The following NOTCH2 variants were observed in gnomAD, a reference collection of about 807,000 sequenced individuals.
The protein encoded by NOTCH2 is notch receptor 2.
NOTCH2 carries 29 observed loss-of-function variants against 235.8 expected under a neutral mutation model. That is an observed-to-expected ratio of 0.12 (90% CI 0.09 to 0.17). NOTCH2 has a LOEUF of 0.17. Ranked by LOEUF, NOTCH2 falls within the 10% of genes least tolerant of loss-of-function variation. The probability of loss-of-function intolerance (pLI) is 1.00; values close to 1 mark genes in which losing one functional copy is unlikely to be tolerated. For missense variants in NOTCH2, 2,285 were observed against 3,150.2 expected, an observed-to-expected ratio of 0.73 and a Z score of 6.57; for synonymous variants, 1,086 against 1,141.5, an observed-to-expected ratio of 0.95 and a Z score of 0.98.
chr1:119,940,852 A>G (rs1650040132), intron 18 of NOTCH2, 96 bp from the exon 19 acceptor site: 7 of 1,130,840 alleles, frequency 6.2e-6, no homozygotes, highest in Middle Eastern at 3.9e-4. Flanking sequence ...ATACAGAGGC[A>G]AATACCTCTG....
At chr1:119,975,973 G>T (rs1482663884) in intron 5 of NOTCH2, among the ~76,000 whole-genome samples, 1 of 152,178 alleles carries the variant, frequency 6.6e-6, no homozygotes, top group East Asian at 1.9e-4. Context: ...AAAGTAAGGT[G>T]CTGAGCCTCG....
chr1:119,986,574 A>G (rs1022349326), intron 5 of NOTCH2, among the ~76,000 whole-genome samples: 12 of 152,290 alleles, frequency 7.9e-5, no homozygotes, highest in African/African-American at 2.9e-4. Flanking sequence ...GAACTCTGGT[A>G]GCCTGTACAA....
intron 1 of NOTCH2, among the ~76,000 whole-genome samples, chr1:120,040,881 CAAAAA>C: frequency 7.0e-6 from 1 of 142,986 alleles, no homozygotes; most frequent in Non-Finnish European, 1.5e-5. Context: ...ACTAAAAATA[CAAAAA>C]AAAAATTAGC....
At chr1:119,997,604 A>C (rs1235465868) in intron 3 of NOTCH2, among the ~76,000 whole-genome samples, 1 of 151,770 alleles carries the variant, frequency 6.6e-6, no homozygotes, top group East Asian at 1.9e-4. Context: ...ATCCTGCAGG[A>C]CGCTATCAGC....
chr1:119,953,720 G>A lies in NOTCH2; in HGVS notation c.2220-32C>T, dbSNP rs199907032. ...GAAGACAAAACTTTTTACTATAGGA[G>A]GTATAAACGTATGATTGAGTCATAG... On this transcript the variant is annotated intron_variant, in intron 13 of 33. Coordinates refer to ENST00000256646, the MANE Select transcript of NOTCH2 (RefSeq NM_024408.4). 2.4e-4 allele frequency: 379 copies of A among 1,597,356 alleles called. 1 individual carries two copies. The highest frequency in any genetic ancestry group is 3.2e-4 in the Non-Finnish European group (368 of 1,165,072).
At chr1:120,060,636 TA>T (rs1192975447) in intron 1 of NOTCH2, among the ~76,000 whole-genome samples, 2 of 150,370 alleles carry the variant, frequency 1.3e-5, no homozygotes, top group Non-Finnish European at 3.0e-5. Flanking sequence ...TTTACAAAAA[TA>T]AAAAAATCTT....
At chr1:120,067,235 G>A (rs2364166) in intron 1 of NOTCH2, among the ~76,000 whole-genome samples, 31,389 of 130,466 alleles carry the variant, frequency 0.24, 8,850 homozygotes, top group African/African-American at 0.7. Flanking sequence ...GATTTGTACC[G>A]AGAAACGGCT....
At chr1:119,952,961 A>G (rs1553197960) in intron 14 of NOTCH2, among the ~76,000 whole-genome samples, 1 of 152,236 alleles carries the variant, frequency 6.6e-6, no homozygotes, top group African/African-American at 2.4e-5. Context: ...CAGGAAGCTT[A>G]TAATTAGACA....
chr1:119,945,738 T>C (rs587625352), intron 17 of NOTCH2, among the ~76,000 whole-genome samples: 1 of 152,164 alleles, frequency 6.6e-6, no homozygotes, highest in Non-Finnish European at 1.5e-5. Flanking sequence ...ATAGAATTAC[T>C]AGAGAAACAG....
intron 15 of NOTCH2, among the ~76,000 whole-genome samples, chr1:119,949,667 GA>G (rs1557817785): frequency 6.6e-6 from 1 of 152,102 alleles, no homozygotes; most frequent in Non-Finnish European, 1.5e-5. Context: ...ATTACAGGGT[GA>G]GCCACCGTGC....
intron 17 of NOTCH2, among the ~76,000 whole-genome samples, chr1:119,943,401 C>T (rs1160226826): frequency 6.6e-6 from 1 of 152,020 alleles, no homozygotes; most frequent in Non-Finnish European, 1.5e-5. Flanking sequence ...GGGCTGAGAA[C>T]AGCTCATGTT....
At chr1:119,977,388 C>T (rs1651627953) in intron 5 of NOTCH2, among the ~76,000 whole-genome samples, 2 of 152,236 alleles carry the variant, frequency 1.3e-5, no homozygotes, top group African/African-American at 4.8e-5. Context: ...TTCACCTTGC[C>T]TTTGCCCACT....
intron 3 of NOTCH2, among the ~76,000 whole-genome samples, chr1:119,999,948 A>AAAGG (rs1652660241): frequency 7.7e-6 from 1 of 129,198 alleles, no homozygotes; most frequent in Admixed American, 7.3e-5. Flanking sequence ...AGAAAGAAAG[A>AAAGG]AAGAAAGAAA....
chr1:119,938,333 T>TA (rs1284831538), intron 19 of NOTCH2, among the ~76,000 whole-genome samples: 74 of 150,274 alleles, frequency 4.9e-4, no homozygotes, highest in African/African-American at 1.4e-3. Context: ...TATTTCTGGT[T>TA]AAAAAAAAAA....
Position 120,069,412 on chromosome 1 carries a change from C to T in NOTCH2, c.-6G>A, listed in dbSNP as rs782621828. On this transcript the variant is annotated 5_prime_UTR_variant, in exon 1 of 34. Transcript: ENST00000256646. ...GCGGGGCGCAGGGCGGGCATCTTCT[C>T]GGTCGCCTCCTCCTCCGCCGCCGCC... The T allele has an allele frequency of 3.2e-6, 5 of 1,542,638 alleles. No homozygotes were observed. Among genetic ancestry groups the T allele is most frequent in the East Asian group, 2.4e-5 (1 of 41,264 alleles).
At chr1:119,953,447 A>T (rs1650562709) in intron 14 of NOTCH2, 96 bp downstream of exon 14, 3 of 1,329,418 alleles carry the variant, frequency 2.3e-6, no homozygotes, top group Non-Finnish European at 2.2e-6. Context: ...ACACGAATGA[A>T]TGAAAAAGAG....
intron 24 of NOTCH2, 84 bp from the exon 25 acceptor site, chr1:119,925,894 C>T (rs41310102): frequency 1.3e-3 from 1,942 of 1,462,604 alleles, no homozygotes; most frequent in Admixed American, 2.1e-3. Context: ...AAAACCTCCA[C>T]ATCTCACTCC....
At chr1:120,047,682 T>A (rs1176355864) in intron 1 of NOTCH2, among the ~76,000 whole-genome samples, 2 of 142,978 alleles carry the variant, frequency 1.4e-5, no homozygotes, top group Non-Finnish European at 1.5e-5. Context: ...AGGCCCTGTC[T>A]CAAAAAAAAA....
chr1:119,923,613 G>T lies in NOTCH2; in HGVS notation c.4859+24C>A. On this transcript the variant is annotated intron_variant, in intron 26 of 33. Coordinates refer to ENST00000256646, the MANE Select transcript of NOTCH2 (RefSeq NM_024408.4). ...TGCTAGGCTTCATAAAATTAGCCTTGAAGTTCAGAAACCAAACACCTACCC... is the reference window on the plus strand; with the variant it reads ...TGCTAGGCTTCATAAAATTAGCCTTTAAGTTCAGAAACCAAACACCTACCC... 3 of 1,598,868 alleles carry T rather than the reference G, an allele frequency of 1.9e-6. No homozygotes were observed. In the East Asian group the frequency reaches 6.7e-5, roughly 36 times the overall value.
Sources: allele counts gnomAD v4.1 joint callset (sites outside exome capture counted in the v4.1 genomes callset), GRCh38; gene constraint gnomAD v4.1.1; transcripts MANE v1.5; gene names NCBI Gene and HGNC (gene_info 2026-07-23, HGNC 2026-07-21).